The following DGKB variants were observed in gnomAD, a reference collection of about 807,000 sequenced individuals.
The protein encoded by DGKB is diacylglycerol kinase beta, also known as 90 kDa diacylglycerol kinase.
A neutral mutation model predicts 114.3 loss-of-function variants in DGKB; 67 were observed. That is an observed-to-expected ratio of 0.59 (90% CI 0.48 to 0.72). The LOEUF (loss-of-function observed/expected upper bound fraction) is 0.72, where lower values mean the gene tolerates loss of function less well. Among genes scored for constraint, DGKB ranks in the 30% least tolerant of loss-of-function variants. The pLI is 0.00. For missense variants in DGKB, 907 were observed against 975.2 expected (o/e 0.93, Z 0.93); for synonymous variants, 398 against 323.1 (o/e 1.23, Z -2.49).
intron 21 of DGKB, among the ~76,000 whole-genome samples, chr7:14,401,860 C>T (rs953816540): frequency 1.5e-4 from 23 of 151,466 alleles, no homozygotes; most frequent in African/African-American, 3.2e-4. Context: ...CTTTTTAATA[C>T]GGATAGGATG....
intron 4 of DGKB, among the ~76,000 whole-genome samples, chr7:14,740,428 G>C (rs1354918951): frequency 1.3e-5 from 2 of 152,046 alleles, no homozygotes; most frequent in Non-Finnish European, 2.9e-5. Flanking sequence ...ATTAGGCCAG[G>C]ACTCCAATTC....
chr7:14,767,709 G>A (rs1383198644), intron 2 of DGKB, among the ~76,000 whole-genome samples: 1 of 151,802 alleles, frequency 6.6e-6, no homozygotes, highest in Non-Finnish European at 1.5e-5. Flanking sequence ...ATTCACTTTT[G>A]TGGGCAATAG....
At chr7:14,172,113 T>C (rs1781086764) in intron 25 of DGKB, among the ~76,000 whole-genome samples, 1 of 152,100 alleles carries the variant, frequency 6.6e-6, no homozygotes, top group Non-Finnish European at 1.5e-5. Context: ...CCTCAAAAGA[T>C]GTGTTGTGTT....
At chr7:14,352,516 C>CA (rs1813665046) in intron 21 of DGKB, among the ~76,000 whole-genome samples, 1 of 151,922 alleles carries the variant, frequency 6.6e-6, no homozygotes, top group Non-Finnish European at 1.5e-5. Context: ...CAAAAACGTA[C>CA]ACAAAGTAAG....
At chr7:14,757,555 TACAC>T (rs74352324) in intron 3 of DGKB, 96 bp downstream of exon 3, 3 of 646,730 alleles carry the variant, frequency 4.6e-6, no homozygotes, top group Non-Finnish European at 5.5e-6. Context: ...TACATATACA[TACAC>T]ACACACACAC....
intron 21 of DGKB, among the ~76,000 whole-genome samples, chr7:14,458,310 A>C (rs1283326496): frequency 6.6e-6 from 1 of 152,196 alleles, no homozygotes; most frequent in African/African-American, 2.4e-5. Flanking sequence ...GTAACAATAA[A>C]TAAAATAAGT....
chr7:14,714,173 T>C (rs1191829786), intron 6 of DGKB, among the ~76,000 whole-genome samples: 1 of 151,670 alleles, frequency 6.6e-6, no homozygotes, highest in Non-Finnish European at 1.5e-5. Flanking sequence ...GGCAAGAAGA[T>C]TCATGATGCA....
At chr7:14,191,831 G>T in intron 23 of DGKB, 1 of 464,674 alleles carries the variant, frequency 2.2e-6, no homozygotes, top group South Asian at 1.7e-5. Context: ...AATCAGTGAC[G>T]GCTATGTCCC....
intron 21 of DGKB, among the ~76,000 whole-genome samples, chr7:14,419,000 G>A (rs1826238114): frequency 6.6e-6 from 1 of 151,716 alleles, no homozygotes; most frequent in South Asian, 2.1e-4. Context: ...GCACATTAGG[G>A]AGACAAGACT....
chr7:14,230,487 T>C (rs1399185618), intron 23 of DGKB, among the ~76,000 whole-genome samples: 2 of 149,686 alleles, frequency 1.3e-5, no homozygotes, highest in African/African-American at 4.9e-5. Context: ...AGGTAAACTG[T>C]AAAGTCAAAA....
chr7:14,373,174 TCTGCAACCC>T (rs764202195), intron 21 of DGKB, among the ~76,000 whole-genome samples: 1 of 152,192 alleles, frequency 6.6e-6, no homozygotes, highest in Non-Finnish European at 1.5e-5. Flanking sequence ...GAAACAGAGC[TCTGCAACCC>T]CTGCAAATAA....
intron 23 of DGKB, among the ~76,000 whole-genome samples, chr7:14,335,250 C>A (rs1810439492): frequency 6.6e-6 from 1 of 151,712 alleles, no homozygotes; most frequent in Non-Finnish European, 1.5e-5. Context: ...TACCTTTGGA[C>A]TATGATATTT....
chr7:14,410,312 T>C (rs191874994), intron 21 of DGKB, among the ~76,000 whole-genome samples: 92 of 152,012 alleles, frequency 6.1e-4, no homozygotes, highest in Non-Finnish European at 1.1e-3. Flanking sequence ...AATATAGTTG[T>C]ATATTTTTAT....
intron 23 of DGKB, among the ~76,000 whole-genome samples, chr7:14,333,421 A>T (rs1019015915): frequency 6.0e-5 from 9 of 149,328 alleles, no homozygotes; most frequent in African/African-American, 2.2e-4. Flanking sequence ...AGATCCCACC[A>T]CTGCAATCCA....
At chr7:14,680,199 T>C (rs1439416271) in intron 12 of DGKB, among the ~76,000 whole-genome samples, 2 of 151,840 alleles carry the variant, frequency 1.3e-5, no homozygotes, top group African/African-American at 2.4e-5. Flanking sequence ...GTTTCCTAAA[T>C]AGAGCTTTGA....
intron 17 of DGKB, among the ~76,000 whole-genome samples, chr7:14,600,818 C>A (rs1803405247): frequency 6.6e-6 from 1 of 152,194 alleles, no homozygotes; most frequent in South Asian, 2.1e-4. Flanking sequence ...CCCTAAGGCT[C>A]CGAAACCCCC....
intron 21 of DGKB, among the ~76,000 whole-genome samples, chr7:14,429,345 C>G (rs1322065988): frequency 6.6e-6 from 1 of 151,994 alleles, no homozygotes; most frequent in African/African-American, 2.4e-5. Context: ...TGTGAGGATA[C>G]AAGGAGAAGA....
At chr7:14,696,649 G>C (rs1823988482) in intron 8 of DGKB, among the ~76,000 whole-genome samples, 1 of 151,476 alleles carries the variant, frequency 6.6e-6, no homozygotes, top group Non-Finnish European at 1.5e-5. Flanking sequence ...GGAGAAAGCT[G>C]TTGTCGATTA....
chr7:14,258,053 T>G (rs899625712), intron 23 of DGKB, among the ~76,000 whole-genome samples: 4 of 152,184 alleles, frequency 2.6e-5, no homozygotes, highest in Non-Finnish European at 5.9e-5. Context: ...TCTTTATAAG[T>G]TACCCAGTCT....
Sources: gnomAD v4.1 joint callset for allele counts (sites outside exome capture counted in the v4.1 genomes callset) on GRCh38, gnomAD v4.1.1 for gene constraint, MANE v1.5 for transcripts, NCBI Gene and HGNC (gene_info 2026-07-23, HGNC 2026-07-21) for gene names.